Variants in FRMD7 observed in about 807,000 individuals in gnomAD.
FRMD7 encodes the protein FERM domain containing 7, also known as FERM domain-containing protein 7.
Under a neutral mutation model 44.1 loss-of-function variants are expected in FRMD7, and 14 were observed. That is an observed-to-expected ratio of 0.32 (90% CI 0.21 to 0.50). The LOEUF is 0.50. Ranked by LOEUF, FRMD7 falls within the 20% of genes least tolerant of loss-of-function variation. FRMD7 has a pLI of 0.99. For synonymous variants in FRMD7, 212 were observed against 187.4 expected (o/e 1.13, Z -1.07); for missense variants, 501 against 522.3 (o/e 0.96, Z 0.40).
intron 4 of FRMD7, among the ~76,000 whole-genome samples, chrX:132,095,058 TTTTATTTATTTATTTATTTA>T (rs10554395): frequency 0.011 from 1,003 of 91,293 alleles, 17 homozygotes; most frequent in African/African-American, 0.037. Flanking sequence ...GGTTCCAATA[TTTTATTTATTTATTTATTTA>T]TTTATTTATT....
intron 5 of FRMD7, among the ~76,000 whole-genome samples, chrX:132,091,166 G>C (rs936060512): frequency 3.6e-5 from 4 of 111,472 alleles, no homozygotes; most frequent in Admixed American, 2.9e-4. Context: ...TCTTTCATAT[G>C]CTTTTTTAAA....
At chrX:132,118,988 T>G (rs1211758292) in intron 1 of FRMD7, among the ~76,000 whole-genome samples, 1 of 111,687 alleles carries the variant, frequency 9.0e-6, no homozygotes, top group Non-Finnish European at 1.9e-5. Context: ...TCAATCTAGG[T>G]TAGATGCCCC....
At chrX:132,105,656 G>T (rs1602826022) in intron 1 of FRMD7, among the ~76,000 whole-genome samples, 1 of 111,681 alleles carries the variant, frequency 9.0e-6, no homozygotes. Flanking sequence ...TGGTACAAAA[G>T]CAGGCACATA....
chrX:132,118,255 A>C (rs1928951233), intron 1 of FRMD7, among the ~76,000 whole-genome samples: 1 of 110,790 alleles, frequency 9.0e-6, no homozygotes, highest in Non-Finnish European at 1.9e-5. Context: ...ACCTTGCTGA[A>C]CCTTGATTTC....
intron 5 of FRMD7, among the ~76,000 whole-genome samples, chrX:132,092,688 C>G (rs1296837056): frequency 8.9e-6 from 1 of 111,786 alleles, no homozygotes; most frequent in Non-Finnish European, 1.9e-5. Flanking sequence ...TTGAGCTCCC[C>G]CGTCAGAGAC....
At chrX:132,092,189 G>C (rs973973696) in intron 5 of FRMD7, among the ~76,000 whole-genome samples, 1 of 112,028 alleles carries the variant, frequency 8.9e-6, no homozygotes, top group African/African-American at 3.3e-5. Flanking sequence ...GTTCATAAAA[G>C]AGGGACACTT....
chrX:132,097,211 G>A (rs1313254123), intron 4 of FRMD7, 55 bp downstream of exon 4: 5 of 871,496 alleles, frequency 5.7e-6, no homozygotes, highest in Non-Finnish European at 6.8e-6. Context: ...CCAATAAATG[G>A]AGAATAATGA....
intron 1 of FRMD7, among the ~76,000 whole-genome samples, chrX:132,121,596 T>TA (rs60179222): frequency 0.21 from 21,535 of 102,703 alleles, 1,919 homozygotes; most frequent in Non-Finnish European, 0.25. Flanking sequence ...TTTTATAGAT[T>TA]AAAAAAAAAA....
intron 1 of FRMD7, among the ~76,000 whole-genome samples, chrX:132,117,632 T>A (rs1569348774): frequency 8.9e-6 from 1 of 111,979 alleles, no homozygotes; most frequent in East Asian, 2.8e-4. Flanking sequence ...AAGGTACTCC[T>A]AATCCCACCT....
chrX:132,095,190 G>T (rs939356226), intron 4 of FRMD7, among the ~76,000 whole-genome samples: 46 of 108,715 alleles, frequency 4.2e-4, no homozygotes, highest in African/African-American at 1.4e-3. Context: ...TGCCTCTGGG[G>T]TTCAAGCGAT....
intron 5 of FRMD7, among the ~76,000 whole-genome samples, chrX:132,091,302 C>A (rs1253478866): frequency 1.8e-5 from 2 of 110,853 alleles, no homozygotes; most frequent in Non-Finnish European, 3.8e-5. Flanking sequence ...TTAAGACCTT[C>A]ATATTTATTC....
rs745426422 is a variant in FRMD7 at position 132,097,684 on chromosome X, T to C, written c.206-340A>G. Among the ~76,000 whole-genome samples, 9 of 111,729 alleles carry C rather than the reference T, an allele frequency of 8.1e-5. No homozygotes were observed. The South Asian group carries it at 3.4e-3, about 42-fold the overall frequency. ...TCAGAAAAATACAGCACTTGCTAGT[T>C]GGGATTCTGCATTCCTGACTGAGAG... On this transcript the variant is annotated intron_variant, in intron 3 of 11. Transcript: ENST00000298542.
At chrX:132,104,870 CTTATTA>C (rs1053981557) in intron 1 of FRMD7, among the ~76,000 whole-genome samples, 1 of 111,962 alleles carries the variant, frequency 8.9e-6, no homozygotes, top group East Asian at 2.8e-4. Flanking sequence ...ACAAGCTCTA[CTTATTA>C]TTATAATTAC....
At chrX:132,121,713 T>C (rs1929038808) in intron 1 of FRMD7, among the ~76,000 whole-genome samples, 1 of 111,616 alleles carries the variant, frequency 9.0e-6, no homozygotes, top group African/African-American at 3.3e-5. Flanking sequence ...AGAAAATTGT[T>C]GATAAATGCT....
At chrX:132,103,339 G>T (rs1051750323) in intron 1 of FRMD7, among the ~76,000 whole-genome samples, 57 of 110,891 alleles carry the variant, frequency 5.1e-4, no homozygotes, top group African/African-American at 1.8e-3. Context: ...CTGTACAATT[G>T]CTTGGTCTTT....
Position 132,099,520 on chromosome X carries a change from C to T in FRMD7, c.163-10G>A, listed in dbSNP as rs752260715. 1.7e-6 allele frequency: 2 copies of T among 1,182,176 alleles called. No homozygotes were observed. Among genetic ancestry groups the T allele is most frequent in the Non-Finnish European group, 2.3e-6 (2 of 874,163 alleles). On this transcript the variant is annotated splice_polypyrimidine_tract_variant and intron_variant, in intron 2 of 11. Transcript: ENST00000298542. ...AAAGCTCCAGCCAAACCTGTAATAACATTAAGGAAAAAATTGGTAGAGCAT... is the reference window on the plus strand; with the variant it reads ...AAAGCTCCAGCCAAACCTGTAATAATATTAAGGAAAAAATTGGTAGAGCAT...
intron 1 of FRMD7, among the ~76,000 whole-genome samples, chrX:132,122,119 C>T (rs984966205): frequency 8.9e-6 from 1 of 112,193 alleles, no homozygotes; most frequent in Non-Finnish European, 1.9e-5. Flanking sequence ...TGTTGGTTTG[C>T]AAAGTACAGA....
chrX:132,112,176 G>T (rs758476964), intron 1 of FRMD7, among the ~76,000 whole-genome samples: 2 of 112,049 alleles, frequency 1.8e-5, no homozygotes, highest in African/African-American at 6.5e-5. Flanking sequence ...AGGAAAGGGA[G>T]CTCCTTCAGG....
intron 5 of FRMD7, among the ~76,000 whole-genome samples, chrX:132,091,073 G>A (rs1440514034): frequency 9.0e-6 from 1 of 111,306 alleles, no homozygotes. Context: ...AAAGGACCCC[G>A]TCAAAACCTA....
Sources: allele counts gnomAD v4.1 joint callset (sites outside exome capture counted in the v4.1 genomes callset), GRCh38; gene constraint gnomAD v4.1.1; transcripts MANE v1.5; gene names NCBI Gene and HGNC (gene_info 2026-07-23, HGNC 2026-07-21).